Variants in DTNA observed in about 807,000 individuals in gnomAD.
DTNA encodes dystrophin-related protein 3.
Under a neutral mutation model 100.7 loss-of-function variants are expected in DTNA, and 43 were observed. The ratio of observed to expected loss-of-function variants is 0.43; its 90% confidence interval spans 0.33 to 0.55. DTNA has a LOEUF of 0.55. DTNA is among the 20% of genes least tolerant of loss of function. The probability of loss-of-function intolerance (pLI) is 0.04; values close to 1 mark genes in which losing one functional copy is unlikely to be tolerated. For synonymous variants in DTNA, 349 were observed against 347.9 expected (o/e 1.00, Z -0.04); for missense variants, 798 against 953.9 (o/e 0.84, Z 2.15).
At position 34,493,930 on chromosome 18, in the gene DTNA, G is replaced by A. The variant is rs1344227376; in HGVS notation, c.-2+416G>A. On this transcript the variant is annotated intron_variant, in intron 1 of 19. Transcript: ENST00000283365. ...GCCGCAGCCAGGACTGCGGCGCGGC[G>A]CCTCCCCGGGCGGCGGGCGGCGCCT... 5 of 148,070 alleles carry A rather than the reference G, an allele frequency of 3.4e-5. No homozygotes were observed. The East Asian group carries it at 6.0e-4, about 18-fold the overall frequency. 9.2% of individuals were successfully genotyped at this position (148,070 alleles called of 1,614,324 possible).
At chr18:34,546,658 T>C (rs1467112073) in intron 1 of DTNA, among the ~76,000 whole-genome samples, 1 of 152,128 alleles carries the variant, frequency 6.6e-6, no homozygotes, top group Admixed American at 6.6e-5. Context: ...AAGTGACATT[T>C]TGTGGCTAAA....
chr18:34,717,873 A>G (rs889341184), intron 1 of DTNA, among the ~76,000 whole-genome samples: 4 of 152,222 alleles, frequency 2.6e-5, no homozygotes, highest in Admixed American at 1.3e-4. Context: ...AAATGTAATA[A>G]TGGCAGCAGC....
rs543451533 is a variant in DTNA at position 34,884,663 on chromosome 18, C to T, written c.2296-65C>T. The stretch of plus-strand genomic sequence containing the variant: ...GCATGGCTTCCCGCCAAATAATTCA[C>T]CAGCTTGACTGCATCACAGACTTGA... On this transcript the variant is annotated intron_variant, in intron 21 of 22. Transcript: ENST00000444659. 5 of 1,568,818 alleles carry T rather than the reference C, an allele frequency of 3.2e-6. No individual in the cohort carries two copies. The South Asian group carries it at 5.5e-5, about 17-fold the overall frequency.
intron 1 of DTNA, among the ~76,000 whole-genome samples, chr18:34,621,024 T>G (rs1359895181): frequency 6.6e-6 from 1 of 151,968 alleles, no homozygotes; most frequent in Non-Finnish European, 1.5e-5. Context: ...GTGCTATTTT[T>G]TGTTATCAAG....
intron 1 of DTNA, among the ~76,000 whole-genome samples, chr18:34,550,259 T>A: frequency 6.6e-6 from 1 of 152,244 alleles, no homozygotes; most frequent in South Asian, 2.1e-4. Context: ...TCCGCGATCC[T>A]TCTGTCAACA....
intron 1 of DTNA, among the ~76,000 whole-genome samples, chr18:34,522,445 G>T (rs1029429105): frequency 1.8e-4 from 27 of 152,266 alleles, no homozygotes; most frequent in African/African-American, 6.3e-4. Context: ...ATGACAAAAT[G>T]CTCACACTGG....
rs577107465 is a variant in DTNA at position 34,867,071 on chromosome 18, G to A, written c.1743+3009G>A. 13 of 1,230,194 alleles carry A rather than the reference G, an allele frequency of 1.1e-5. No individual in the cohort carries two copies. In the East Asian group the frequency reaches 2.5e-4, roughly 24 times the overall value. 76.2% of individuals were successfully genotyped at this position (1,230,194 alleles called of 1,614,324 possible). On this transcript the variant is annotated intron_variant, in intron 17 of 22. Coordinates refer to ENST00000444659, the MANE Select transcript of DTNA (RefSeq NM_001386795.1). ...ATTTCAAGTGCATGTACCACGCTAT[G>A]TATGACAATATATCCCACTCACTAG...
chr18:34,883,702 T>C (rs1270770008), intron 21 of DTNA, among the ~76,000 whole-genome samples: 1 of 152,226 alleles, frequency 6.6e-6, no homozygotes, highest in East Asian at 1.9e-4. Context: ...CTATTTCTCA[T>C]ATGTCTATAG....
At chr18:34,523,692 G>A (rs937724772) in intron 1 of DTNA, among the ~76,000 whole-genome samples, 4 of 152,102 alleles carry the variant, frequency 2.6e-5, no homozygotes, top group African/African-American at 9.7e-5. Context: ...CTCTTCAGTT[G>A]AGGGAAATAA....
intron 1 of DTNA, among the ~76,000 whole-genome samples, chr18:34,533,386 A>AG (rs1276116857): frequency 6.6e-6 from 1 of 151,770 alleles, no homozygotes; most frequent in Non-Finnish European, 1.5e-5. Context: ...AAAAAAAAAA[A>AG]AAGTACAGAG....
At chr18:34,517,635 A>G (rs1267578357) in intron 1 of DTNA, among the ~76,000 whole-genome samples, 1 of 151,822 alleles carries the variant, frequency 6.6e-6, no homozygotes, top group African/African-American at 2.4e-5. Flanking sequence ...ACCTCTGACA[A>G]CCTGTAATCT....
chr18:34,497,378 T>C (rs1409247256), intron 1 of DTNA, among the ~76,000 whole-genome samples: 2 of 152,216 alleles, frequency 1.3e-5, no homozygotes, highest in African/African-American at 4.8e-5. Context: ...ATTGAACATG[T>C]ACTGTATACT....
chr18:34,823,953 CA>C (rs2095792248), intron 9 of DTNA, among the ~76,000 whole-genome samples: 1 of 152,150 alleles, frequency 6.6e-6, no homozygotes. Context: ...CAAAATAAAA[CA>C]TTTTTTTGCC....
chr18:34,828,912 T>C lies in DTNA; in HGVS notation c.1086-488T>C, dbSNP rs910926290. 7.9e-6 allele frequency: 8 copies of C among 1,012,614 alleles called. No homozygotes were observed. In the African/African-American group the frequency reaches 1.3e-4, roughly 16 times the overall value. 62.7% of individuals were successfully genotyped at this position (1,012,614 alleles called of 1,614,324 possible). A position where few individuals can be genotyped will look rare whatever the true frequency, so the allele number is the denominator to read the frequency against. ...AAAATCTGTAAAAGACACAGGTCTG[T>C]GCATCTATCTAGGGAAGACCTGATG... On this transcript the variant is annotated intron_variant, in intron 10 of 22. Transcript: ENST00000444659.
At chr18:34,857,051 C>G (rs112639543) in intron 15 of DTNA, among the ~76,000 whole-genome samples, 1 of 152,212 alleles carries the variant, frequency 6.6e-6, no homozygotes, top group African/African-American at 2.4e-5. Context: ...CAGGGCCCAG[C>G]AACACAGGGA....
intron 19 of DTNA, among the ~76,000 whole-genome samples, chr18:34,878,092 C>A (rs1041442000): frequency 2.6e-5 from 4 of 152,064 alleles, no homozygotes; most frequent in African/African-American, 9.7e-5. Flanking sequence ...CCTACCTCAG[C>A]CTCCCTAGTA....
chr18:34,816,031 G>T lies in DTNA; in HGVS notation c.709+17G>T. The T allele has an allele frequency of 6.2e-7, 1 of 1,606,148 alleles. No individual in the cohort carries two copies. Among genetic ancestry groups the T allele is most frequent in the South Asian group, 1.1e-5 (1 of 90,930 alleles). ...TGGAAAATGGTGAGTAGTTACTAAG[G>T]AGCAAAGGTGATTTTTTAAATTATT... On this transcript the variant is annotated intron_variant, in intron 7 of 22. Transcript: ENST00000444659.
chr18:34,567,858 T>A (rs755285400), intron 1 of DTNA, among the ~76,000 whole-genome samples: 11 of 152,152 alleles, frequency 7.2e-5, no homozygotes, highest in Non-Finnish European at 1.6e-4. Flanking sequence ...GAGAGAAAAT[T>A]TTGGTCTCTG....
At chr18:34,838,015 G>C in intron 11 of DTNA, 79 bp from the exon 12 acceptor site, 1 of 1,227,874 alleles carries the variant, frequency 8.1e-7, no homozygotes, top group South Asian at 1.2e-5. Flanking sequence ...CTAGACTTGG[G>C]AGTGTCTGTT....
Sources: gnomAD v4.1 joint callset for allele counts (sites outside exome capture counted in the v4.1 genomes callset) on GRCh38, gnomAD v4.1.1 for gene constraint, MANE v1.5 for transcripts, NCBI Gene and HGNC (gene_info 2026-07-23, HGNC 2026-07-21) for gene names.